Variants in NUP98 observed in about 807,000 individuals in gnomAD.
NUP98 encodes the protein nuclear pore complex protein Nup98-Nup96.
NUP98 carries 26 observed loss-of-function variants against 191.9 expected under a neutral mutation model. That is an observed-to-expected ratio of 0.14 (90% CI 0.10 to 0.19). NUP98 has a LOEUF of 0.19. NUP98 is among the 10% of genes least tolerant of loss of function. NUP98 has a pLI of 1.00. For synonymous variants in NUP98, 808 were observed against 778.4 expected (o/e 1.04, Z -0.63); for missense variants, 1,941 against 2,178.8 (o/e 0.89, Z 2.17).
At chr11:3,743,253 G>A (rs564793573) in intron 12 of NUP98, among the ~76,000 whole-genome samples, 13 of 151,300 alleles carry the variant, frequency 8.6e-5, no homozygotes, top group Admixed American at 1.3e-4. Flanking sequence ...TCCTGACCTC[G>A]TGATCCACCC....
chr11:3,737,495 T>C (rs2080112336), intron 12 of NUP98, among the ~76,000 whole-genome samples: 2 of 151,928 alleles, frequency 1.3e-5, no homozygotes, highest in African/African-American at 4.8e-5. Context: ...GGCATGGTGG[T>C]GGGCACCTGT....
Position 3,725,104 on chromosome 11 carries a change from T to G in NUP98, c.1846A>C (p.Arg616=), listed in dbSNP as rs2134241940. ...AACTCAAAACAGAATTCAGTGTACC[T>G]CTCTCCATTTTCTGGATATTCAGAT... ...SPSEYPENGE[R]FSFLSKPVDE... Residue 616 remains arginine (R), a splice_region_variant and synonymous_variant, in exon 15 of 33, where the codon AGA becomes CGA. Coordinates refer to ENST00000324932, the MANE Select transcript of NUP98 (RefSeq NM_016320.5). 2 of 1,374,602 alleles carry G rather than the reference T, an allele frequency of 1.5e-6. No homozygotes were observed. Among genetic ancestry groups the G allele is most frequent in the Middle Eastern group, 1.8e-4 (1 of 5,586 alleles). 85.2% of individuals were successfully genotyped at this position (1,374,602 alleles called of 1,614,324 possible).
chr11:3,682,930 T>C (rs945826598), intron 30 of NUP98, among the ~76,000 whole-genome samples: 17 of 152,112 alleles, frequency 1.1e-4, no homozygotes, highest in African/African-American at 3.6e-4. Flanking sequence ...CTGGAGAAAA[T>C]TCCCATAAGT....
At chr11:3,755,920 G>A (rs572460684) in intron 10 of NUP98, among the ~76,000 whole-genome samples, 30 of 150,896 alleles carry the variant, frequency 2.0e-4, no homozygotes, top group Non-Finnish European at 3.4e-4. Context: ...CCAAAATCAC[G>A]CCACTGCACT....
At chr11:3,787,118 A>G (rs539342383) in intron 1 of NUP98, among the ~76,000 whole-genome samples, 103 of 151,354 alleles carry the variant, frequency 6.8e-4, no homozygotes, top group African/African-American at 2.4e-3. Flanking sequence ...GCCCTAGATA[A>G]GAAAAGAGGG....
At chr11:3,796,361 C>T (rs1009723048) in intron 1 of NUP98, among the ~76,000 whole-genome samples, 1 of 152,180 alleles carries the variant, frequency 6.6e-6, no homozygotes, top group African/African-American at 2.4e-5. Flanking sequence ...TAACTGACTC[C>T]GAGTCCTCAT....
chr11:3,760,525 G>T lies in NUP98; in HGVS notation c.1174+14C>A. 6.2e-7 allele frequency: 1 copy of T among 1,614,054 alleles called. No homozygotes were observed. The highest frequency in any genetic ancestry group is 1.1e-5 in the South Asian group (1 of 91,084). ...TGTTTGTATTGGTTCCTAAAGTCAGGGTTGGTTTGTTACCAAAGAGCCCGC... is the reference window on the plus strand; with the variant it reads ...TGTTTGTATTGGTTCCTAAAGTCAGTGTTGGTTTGTTACCAAAGAGCCCGC... On this transcript the variant is annotated intron_variant, in intron 10 of 32. Transcript: ENST00000324932.
At chr11:3,679,426 A>ATGCCTGCTTTGACAGTGCT in intron 31 of NUP98, 128 bp downstream of exon 31, 1 of 1,083,974 alleles carries the variant, frequency 9.2e-7, no homozygotes, top group Non-Finnish European at 1.4e-6. Context: ...CCTCAGCAAG[A>ATGCCTGCTTTGACAGTGCT]TGCCTGCTTT....
intron 11 of NUP98, among the ~76,000 whole-genome samples, chr11:3,749,650 T>C (rs1489489287): frequency 1.3e-5 from 2 of 151,528 alleles, no homozygotes; most frequent in Non-Finnish European, 2.9e-5. Context: ...AAAATATAAA[T>C]TAACAAGAAT....
At chr11:3,723,540 G>A (rs1281715250) in intron 15 of NUP98, 85 bp from the exon 16 acceptor site, 3 of 1,125,024 alleles carry the variant, frequency 2.7e-6, no homozygotes, top group Non-Finnish European at 3.9e-6. Context: ...CCTTTACTAA[G>A]TGCCTGGCAC....
rs1431439762 is a variant in NUP98 at position 3,698,931 on chromosome 11, T to C, written c.4009+151A>G. On this transcript the variant is annotated intron_variant, in intron 25 of 32. Transcript: ENST00000324932. ...GTTAAATTTTATGTTATATTACATATTCCACGGGAACCAGCAATCTTTCTG... is the reference window on the plus strand; with the variant it reads ...GTTAAATTTTATGTTATATTACATACTCCACGGGAACCAGCAATCTTTCTG... The C allele has an allele frequency of 4.9e-6, 4 of 820,748 alleles. No individual in the cohort carries two copies. In the African/African-American group the frequency reaches 5.1e-5, roughly 11 times the overall value. The allele number at this position is 820,748 out of a possible 1,614,324, so 50.8% of individuals were successfully genotyped here.
intron 29 of NUP98, among the ~76,000 whole-genome samples, chr11:3,684,361 C>T (rs2078073209): frequency 1.3e-5 from 2 of 152,196 alleles, no homozygotes; most frequent in African/African-American, 2.4e-5. Flanking sequence ...GGACAGATCA[C>T]GAGGTCAAGT....
chr11:3,771,788 T>C lies in NUP98; in HGVS notation c.744A>G (p.Ser248=), dbSNP rs2081540067. ...TGLFSSSTTN[S]GFAYGQNKTA... ...TTTTGTTCTGACCATATGCAAAGCC[T>C]GAATTAGTGGTGGAGGAGCTGAAGA... The change falls in exon 7 of 33, where the codon TCA becomes TCG. Residue 248 remains serine, a synonymous_variant. Coordinates refer to ENST00000324932, the MANE Select transcript of NUP98 (RefSeq NM_016320.5). The C allele has an allele frequency of 6.2e-7, 1 of 1,614,064 alleles. No individual in the cohort carries two copies. The highest frequency in any genetic ancestry group is 1.3e-5 in the African/African-American group (1 of 74,932).
intron 14 of NUP98, among the ~76,000 whole-genome samples, chr11:3,726,049 G>C (rs1272057403): frequency 6.6e-6 from 1 of 152,134 alleles, no homozygotes; most frequent in African/African-American, 2.4e-5. Flanking sequence ...CCTAATGTAA[G>C]AGCACTGTAC....
intron 12 of NUP98, among the ~76,000 whole-genome samples, chr11:3,739,892 A>ACCCT (rs2080216254): frequency 3.9e-5 from 6 of 152,194 alleles, no homozygotes; most frequent in Admixed American, 3.9e-4. Flanking sequence ...CCCCTGAGAG[A>ACCCT]GCAAGACCAA....
intron 20 of NUP98, among the ~76,000 whole-genome samples, chr11:3,708,455 C>A (rs2078930640): frequency 1.3e-5 from 2 of 152,044 alleles, no homozygotes; most frequent in Admixed American, 6.6e-5. Flanking sequence ...CGTATGTTTA[C>A]GAAGAATGCT....
intron 7 of NUP98, among the ~76,000 whole-genome samples, chr11:3,771,523 T>G (rs1375032108): frequency 1.3e-5 from 2 of 152,196 alleles, no homozygotes; most frequent in Admixed American, 1.3e-4. Context: ...TTCAGATACG[T>G]CACTGCTCAA....
At chr11:3,757,877 C>T (rs2081030362) in intron 10 of NUP98, among the ~76,000 whole-genome samples, 1 of 152,092 alleles carries the variant, frequency 6.6e-6, no homozygotes, top group African/African-American at 2.4e-5. Flanking sequence ...TAAAAACACA[C>T]ATTTTCAAAG....
intron 18 of NUP98, among the ~76,000 whole-genome samples, chr11:3,714,535 T>G (rs1363853245): frequency 6.6e-6 from 1 of 152,278 alleles, no homozygotes; most frequent in East Asian, 1.9e-4. Flanking sequence ...CAGTGACTAC[T>G]AGGATGTAAT....
Sources: gnomAD v4.1 joint callset for allele counts (sites outside exome capture counted in the v4.1 genomes callset) on GRCh38, gnomAD v4.1.1 for gene constraint, MANE v1.5 for transcripts, NCBI Gene and HGNC (gene_info 2026-07-23, HGNC 2026-07-21) for gene names.